NT5C3A: variants seen among roughly 807,000 people sequenced by gnomAD.
NT5C3A encodes the protein 5'-nucleotidase, cytosolic IIIA.
NT5C3A carries 23 observed loss-of-function variants against 40.0 expected under a neutral mutation model. The ratio of observed to expected loss-of-function variants is 0.58; its 90% CI spans 0.41 to 0.81. The LOEUF is 0.81. Among genes scored for constraint, NT5C3A ranks in the 40% least tolerant of loss-of-function variants. NT5C3A has a pLI of 0.00. For synonymous variants in NT5C3A, 130 were observed against 141.4 expected (o/e 0.92, Z 0.57); for missense variants, 328 against 403.0 (o/e 0.81, Z 1.59).
At chr7:33,025,334 C>T (rs1028899711) in intron 2 of NT5C3A, among the ~76,000 whole-genome samples, 2 of 152,172 alleles carry the variant, frequency 1.3e-5, no homozygotes, top group African/African-American at 2.4e-5. Context: ...GATACCATTA[C>T]ATGCTGGATT....
In NT5C3A at chr7:33,015,762, T is replaced by G; in HGVS notation, c.802A>C (p.Ile268Leu). 1.9e-6 allele frequency: 3 copies of G among 1,610,062 alleles called. No homozygotes were observed. Among genetic ancestry groups the G allele is most frequent in the Non-Finnish European group, 2.6e-6 (3 of 1,176,274 alleles). The part of the protein sequence containing the change: ...FNQLKDNSNI[I>L]LLGDSQGDLR... ...TCTCCTTGGGAGTCTCCCAGAAGAA[T>G]TATGTTACTATTGTCTTTTAGTTGA... Residue 268 changes from isoleucine (I) to leucine (L), a missense_variant, in exon 8 of 9, where the codon ATT becomes CTT. Ile to Leu is a conservative substitution (Grantham distance 5). Transcript: ENST00000610140.
At chr7:33,038,892 T>G (rs1409021800) in intron 1 of NT5C3A, 1 of 456,348 alleles carries the variant, frequency 2.2e-6, no homozygotes, top group African/African-American at 2.0e-5. Context: ...GTAGAAGACG[T>G]GTTCAAAAAT....
At chr7:33,015,941 C>A in intron 7 of NT5C3A, 71 bp from the exon 8 acceptor site, 1 of 987,714 alleles carries the variant, frequency 1.0e-6, no homozygotes. Flanking sequence ...TTTTGGAGCT[C>A]TTAATTGATG....
chr7:33,046,993 C>CA (rs1554293059), intron 1 of NT5C3A, among the ~76,000 whole-genome samples: 1 of 146,138 alleles, frequency 6.8e-6, no homozygotes, highest in African/African-American at 2.5e-5. Context: ...TTTTAAGAGT[C>CA]GGGTCTTGCT....
chr7:33,054,603 TG>T (rs1237035631), intron 1 of NT5C3A, among the ~76,000 whole-genome samples: 8 of 152,226 alleles, frequency 5.3e-5, no homozygotes, highest in Non-Finnish European at 1.2e-4. Context: ...CATTATATCT[TG>T]GGGATGGTGC....
intron 1 of NT5C3A, chr7:33,038,722 G>C (rs1211689334): frequency 2.6e-6 from 1 of 381,904 alleles, no homozygotes; most frequent in African/African-American, 2.1e-5. Context: ...TCAGCATTCT[G>C]GCACTATTCT....
At chr7:33,022,248 T>A in intron 3 of NT5C3A, 149 bp from the exon 4 acceptor site, 1 of 618,528 alleles carries the variant, frequency 1.6e-6, no homozygotes, top group Non-Finnish European at 2.9e-6. Context: ...TCAACTAGCA[T>A]GGTTATTATA....
At chr7:33,022,372 T>C (rs530291998) in intron 3 of NT5C3A, among the ~76,000 whole-genome samples, 1 of 152,338 alleles carries the variant, frequency 6.6e-6, no homozygotes, top group African/African-American at 2.4e-5. Flanking sequence ...TTCAATATCT[T>C]CAAATACTAT....
intron 1 of NT5C3A, among the ~76,000 whole-genome samples, chr7:33,042,734 A>C (rs1259535567): frequency 6.6e-6 from 1 of 152,250 alleles, no homozygotes; most frequent in Non-Finnish European, 1.5e-5. Flanking sequence ...AGAAATATAC[A>C]TTCCCTTTGA....
intron 1 of NT5C3A, among the ~76,000 whole-genome samples, chr7:33,041,584 G>C (rs191195766): frequency 1.3e-5 from 2 of 152,114 alleles, no homozygotes; most frequent in East Asian, 3.9e-4. Context: ...CTTTATCAAA[G>C]GGCAGTGGGA....
intron 1 of NT5C3A, among the ~76,000 whole-genome samples, chr7:33,037,878 CA>C (rs1786695587): frequency 6.6e-6 from 1 of 152,116 alleles, no homozygotes. Context: ...TCACCACCCT[CA>C]AAATATAATG....
At chr7:33,039,741 T>C (rs952971790) in intron 1 of NT5C3A, among the ~76,000 whole-genome samples, 1 of 151,802 alleles carries the variant, frequency 6.6e-6, no homozygotes, top group African/African-American at 2.4e-5. Context: ...AAGTGAAACT[T>C]TCTCAATACA....
chr7:33,041,404 G>A (rs1207527995), intron 1 of NT5C3A, among the ~76,000 whole-genome samples: 1 of 152,070 alleles, frequency 6.6e-6, no homozygotes, highest in Non-Finnish European at 1.5e-5. Flanking sequence ...ATGGTTGCAC[G>A]GTAGTGTAGA....
At chr7:33,053,547 G>A (rs1200063115) in intron 1 of NT5C3A, among the ~76,000 whole-genome samples, 2 of 106,878 alleles carry the variant, frequency 1.9e-5, no homozygotes, top group Non-Finnish European at 3.8e-5. Context: ...TGTAATCCCA[G>A]CTACTTGGGA....
At chr7:33,044,392 A>AT (rs1415852077) in intron 1 of NT5C3A, among the ~76,000 whole-genome samples, 51 of 71,874 alleles carry the variant, frequency 7.1e-4, no homozygotes, top group African/African-American at 2.8e-3. Context: ...CACTTAAAAA[A>AT]ATTTTTTTTG....
intron 1 of NT5C3A, chr7:33,036,093 G>C: frequency 1.2e-6 from 1 of 848,256 alleles, no homozygotes; most frequent in Non-Finnish European, 2.0e-6. Context: ...TATTAAGGTG[G>C]AATTTTTGGT....
At chr7:33,022,626 A>C (rs189264153) in intron 3 of NT5C3A, among the ~76,000 whole-genome samples, 1 of 152,340 alleles carries the variant, frequency 6.6e-6, no homozygotes, top group East Asian at 1.9e-4. Flanking sequence ...TATATCAATT[A>C]GATAAGAGAT....
intron 3 of NT5C3A, among the ~76,000 whole-genome samples, chr7:33,023,382 C>A (rs916398406): frequency 6.6e-6 from 1 of 151,932 alleles, no homozygotes; most frequent in East Asian, 1.9e-4. Context: ...CCTCAGCCTC[C>A]TGAGTAGCTG....
At chr7:33,036,970 C>G (rs950958707) in intron 1 of NT5C3A, among the ~76,000 whole-genome samples, 1 of 152,078 alleles carries the variant, frequency 6.6e-6, no homozygotes, top group African/African-American at 2.4e-5. Context: ...TGCCGCCACG[C>G]CTGGTTAATT....
Sources: gnomAD v4.1 joint callset for allele counts (sites outside exome capture counted in the v4.1 genomes callset) on GRCh38, gnomAD v4.1.1 for gene constraint, MANE v1.5 for transcripts, NCBI Gene and HGNC (gene_info 2026-07-23, HGNC 2026-07-21) for gene names.